Variants in AFAP1 observed in about 807,000 individuals in gnomAD.
AFAP1 encodes the protein actin filament associated protein 1.
In AFAP1, 75 loss-of-function variants were observed where a neutral mutation model predicts 93.9. The ratio of observed to expected loss-of-function variants is 0.80; its 90% CI spans 0.66 to 0.97. The LOEUF is 0.97. AFAP1 is among the 50% of genes least tolerant of loss of function. The pLI is 0.00. For missense variants in AFAP1, 1,201 were observed against 1,050.8 expected (o/e 1.14, Z -1.98); for synonymous variants, 517 against 430.7 (o/e 1.20, Z -2.48).
intron 1 of AFAP1, among the ~76,000 whole-genome samples, chr4:7,908,209 C>T (rs973498851): frequency 3.3e-5 from 5 of 150,272 alleles, no homozygotes; most frequent in African/African-American, 5.0e-5. Flanking sequence ...AAGACTCTGT[C>T]TCAAAAAAAA....
intron 1 of AFAP1, among the ~76,000 whole-genome samples, chr4:7,934,423 G>A (rs1021665851): frequency 1.3e-5 from 2 of 152,170 alleles, no homozygotes; most frequent in African/African-American, 2.4e-5. Context: ...CGGTGCCCCT[G>A]CACTTCACAG....
chr4:7,834,748 G>T lies in AFAP1; in HGVS notation c.726+3776C>A, dbSNP rs1473877904. On this transcript the variant is annotated intron_variant, in intron 6 of 17. Transcript: ENST00000420658. The stretch of plus-strand genomic sequence containing the variant: ...AGAGAGATCCAAGCTGTAGTCCAGG[G>T]CATGCCAAAGAGGGGGTCCCTGGCA... Among the ~76,000 whole-genome samples, 5 of 152,346 alleles carry T rather than the reference G, an allele frequency of 3.3e-5. 1 individual carries two copies. The South Asian group carries it at 8.3e-4, about 25-fold the overall frequency.
intron 11 of AFAP1, 75 bp from the exon 12 acceptor site, chr4:7,786,386 T>C (rs1391785570): frequency 8.1e-7 from 1 of 1,228,820 alleles, no homozygotes; most frequent in Non-Finnish European, 1.2e-6. Flanking sequence ...TTTAATGAGT[T>C]CTGACTTTAT....
At chr4:7,819,698 G>A (rs1048884567) in intron 6 of AFAP1, among the ~76,000 whole-genome samples, 4 of 152,200 alleles carry the variant, frequency 2.6e-5, no homozygotes, top group East Asian at 1.9e-4. Context: ...CTGGCAGGAC[G>A]GGAGAGGGAG....
chr4:7,914,256 C>T (rs955741810), intron 1 of AFAP1, among the ~76,000 whole-genome samples: 8 of 151,950 alleles, frequency 5.3e-5, no homozygotes, highest in South Asian at 4.2e-4. Flanking sequence ...GGTTTCGCCA[C>T]GTTGGCCAGG....
intron 13 of AFAP1, among the ~76,000 whole-genome samples, chr4:7,779,781 G>C (rs890332704): frequency 5.9e-5 from 9 of 152,202 alleles, no homozygotes; most frequent in Non-Finnish European, 4.4e-5. Context: ...AAAAAGATCA[G>C]ATGACGTGCC....
At chr4:7,878,413 A>G (rs899992307) in intron 1 of AFAP1, among the ~76,000 whole-genome samples, 2 of 152,052 alleles carry the variant, frequency 1.3e-5, no homozygotes, top group Non-Finnish European at 2.9e-5. Context: ...TTCCCCTTAT[A>G]CCACCTCAGA....
chr4:7,854,217 T>C (rs991696389), intron 4 of AFAP1, among the ~76,000 whole-genome samples: 4 of 152,244 alleles, frequency 2.6e-5, no homozygotes, highest in Non-Finnish European at 5.9e-5. Flanking sequence ...TACTGTCTTC[T>C]TAAAGAGTTG....
intron 4 of AFAP1, among the ~76,000 whole-genome samples, chr4:7,851,135 T>C (rs1275273423): frequency 2.0e-5 from 3 of 152,170 alleles, no homozygotes; most frequent in African/African-American, 4.8e-5. Context: ...GGCTACACCA[T>C]CCTTTAGAGA....
At chr4:7,783,529 G>C (rs1716979615) in intron 12 of AFAP1, among the ~76,000 whole-genome samples, 2 of 152,192 alleles carry the variant, frequency 1.3e-5, no homozygotes, top group South Asian at 4.1e-4. Context: ...AATAGTTTCA[G>C]GAAGGGCCTG....
chr4:7,896,398 G>A (rs1718770185), intron 1 of AFAP1, among the ~76,000 whole-genome samples: 1 of 151,956 alleles, frequency 6.6e-6, no homozygotes, highest in Non-Finnish European at 1.5e-5. Context: ...TCCAACGAGG[G>A]GTCTGATCAC....
Position 7,800,566 on chromosome 4 carries a change from G to T in AFAP1, c.1142C>A (p.Thr381Asn). 1 of 1,614,224 alleles carries T rather than the reference G, an allele frequency of 6.2e-7. No individual in the cohort carries two copies. Among genetic ancestry groups the T allele is most frequent in the South Asian group, 1.1e-5 (1 of 91,084 alleles). The change falls in exon 10 of 18, where the codon ACC becomes AAC. Residue 381 changes from threonine to asparagine, a missense_variant. Physicochemically the swap from Thr to Asn is moderately conservative, Grantham distance 65. Transcript: ENST00000420658. ...AGACACAATATGGGTCTTCAGGTCG[G>T]TCCTGTCCTTGTGGAAAATGAGCTT... ...DNKLIFHKDR[T>N]DLKTHIVSIP...
Position 7,781,469 on chromosome 4 carries a change from C to A in AFAP1, c.1689G>T (p.Lys563Asn). Residue 563 changes from lysine (K) to asparagine (N), a missense_variant, in exon 13 of 18, where the codon AAG becomes AAT. By Grantham distance (94) the Lys-to-Asn change is moderately conservative (BLOSUM62 0). Transcript: ENST00000420658. ...DRKASRLSAD[K>N]LSSNHYKYPA... ...GGTATTTGTAATGGTTAGAGGACAG[C>A]TTGTCAGCAGACAGCCTAGAGGCCT... 4 of 1,552,122 alleles carry A rather than the reference C, an allele frequency of 2.6e-6. No individual in the cohort carries two copies. Among genetic ancestry groups the A allele is most frequent in the Non-Finnish European group, 3.5e-6 (4 of 1,147,074 alleles).
At chr4:7,877,941 T>C (rs1279418940) in intron 1 of AFAP1, among the ~76,000 whole-genome samples, 2 of 152,160 alleles carry the variant, frequency 1.3e-5, no homozygotes, top group Admixed American at 1.3e-4. Flanking sequence ...TCCTGGTGCA[T>C]CTCTGTATCT....
At chr4:7,873,100 G>A (rs986830567) in intron 1 of AFAP1, among the ~76,000 whole-genome samples, 20 of 150,868 alleles carry the variant, frequency 1.3e-4, no homozygotes, top group South Asian at 4.2e-4. Flanking sequence ...AAAAGTAGCC[G>A]GGCGTGGTGG....
chr4:7,918,610 C>T (rs1182167894), intron 1 of AFAP1, among the ~76,000 whole-genome samples: 2 of 141,638 alleles, frequency 1.4e-5, no homozygotes, highest in African/African-American at 2.7e-5. Context: ...AAGAGACACT[C>T]GGCCCAGGTC....
intron 6 of AFAP1, among the ~76,000 whole-genome samples, chr4:7,827,590 A>AAAAAAAAAAAAAAAAAG (rs1721544109): frequency 7.0e-6 from 1 of 142,380 alleles, no homozygotes; most frequent in Non-Finnish European, 1.5e-5. Flanking sequence ...AAAAAAAAAA[A>AAAAAAAAAAAAAAAAAG]GGGAGAGGAG....
At position 7,759,719 on chromosome 4, in the gene AFAP1, C is replaced by T. The variant is rs1273306252; in HGVS notation, c.*4046G>A. ...ACCTTTATGTAAGCTGCAGGGCACC[C>T]TGCCGGCCAACCCTGATGCCTGGAG... is the stretch of plus-strand genomic sequence containing the variant. On this transcript the variant is annotated 3_prime_UTR_variant, in exon 18 of 18. Transcript: ENST00000420658. The T allele has an allele frequency of 6.6e-6, 1 of 152,466 alleles. No individual in the cohort carries two copies. The highest frequency in any genetic ancestry group is 1.5e-5 in the Non-Finnish European group (1 of 68,088). 9.4% of individuals were successfully genotyped at this position (152,466 alleles called of 1,614,324 possible).
intron 17 of AFAP1, among the ~76,000 whole-genome samples, chr4:7,768,214 C>T (rs2148948366): frequency 6.6e-6 from 1 of 152,402 alleles, no homozygotes; most frequent in East Asian, 1.9e-4. Flanking sequence ...CCGTGCACTT[C>T]CACACACAGC....
Sources: gnomAD v4.1 joint callset for allele counts (sites outside exome capture counted in the v4.1 genomes callset) on GRCh38, gnomAD v4.1.1 for gene constraint, MANE v1.5 for transcripts, NCBI Gene and HGNC (gene_info 2026-07-23, HGNC 2026-07-21) for gene names.